The following SHC3 variants were observed in gnomAD, a reference collection of about 807,000 sequenced individuals.
SHC3 encodes SHC-transforming protein 3.
Under a neutral mutation model 60.4 loss-of-function variants are expected in SHC3, and 15 were observed. That is an observed-to-expected ratio of 0.25 (90% CI 0.17 to 0.38). The LOEUF (loss-of-function observed/expected upper bound fraction) is 0.38. Ranked by LOEUF, SHC3 falls within the 10% of genes least tolerant of loss-of-function variation. The probability of loss-of-function intolerance (pLI) is 1.00; values close to 1 mark genes in which losing one functional copy is unlikely to be tolerated. For missense variants in SHC3, 677 were observed against 786.1 expected, an observed-to-expected ratio of 0.86 and a Z score of 1.66; for synonymous variants, 294 against 325.9, an observed-to-expected ratio of 0.90 and a Z score of 1.05.
At chr9:89,093,710 G>A (rs1408237327) in intron 2 of SHC3, among the ~76,000 whole-genome samples, 1 of 152,092 alleles carries the variant, frequency 6.6e-6, no homozygotes, top group African/African-American at 2.4e-5. Context: ...GTTACTGATG[G>A]GGTGGGGAAC....
chr9:89,058,475 G>A (rs1039923155), intron 6 of SHC3, among the ~76,000 whole-genome samples: 7 of 149,622 alleles, frequency 4.7e-5, no homozygotes, highest in African/African-American at 1.7e-4. Flanking sequence ...GGTGGAGGAT[G>A]ATGATGGAGG....
At chr9:89,098,378 T>C (rs1825735289) in intron 2 of SHC3, among the ~76,000 whole-genome samples, 2 of 152,232 alleles carry the variant, frequency 1.3e-5, no homozygotes, top group Non-Finnish European at 2.9e-5. Context: ...GGTAATTGTG[T>C]TCTGTCAGTG....
chr9:89,097,254 C>T (rs1564140702), intron 2 of SHC3, among the ~76,000 whole-genome samples: 1 of 152,016 alleles, frequency 6.6e-6, no homozygotes, highest in African/African-American at 2.4e-5. Context: ...TAGGAAATTA[C>T]ACATTGGCCA....
chr9:89,023,003 A>G (rs141212679), intron 11 of SHC3, among the ~76,000 whole-genome samples: 1 of 152,346 alleles, frequency 6.6e-6, no homozygotes, highest in Admixed American at 6.5e-5. Context: ...GTCTCACAAC[A>G]ACCATAAACA....
chr9:89,178,617 G>T lies in SHC3; in HGVS notation c.-157C>A. ...GAGAACGAGAGCAGAGCAAGAGGAT[G>T]GTGCCCTCCCACCGTTAAAAGCCAG... On this transcript the variant is annotated 5_prime_UTR_variant, in exon 1 of 12. Coordinates refer to ENST00000375835, the MANE Select transcript of SHC3 (RefSeq NM_016848.6). This position sits in a 1 kb window ranked among gnomAD's most constrained non-coding sequence, Gnocchi z 6.9. The T allele has an allele frequency of 1.8e-6, 1 of 562,302 alleles. No individual in the cohort carries two copies. Among genetic ancestry groups the T allele is most frequent in the Non-Finnish European group, 2.8e-6 (1 of 354,478 alleles). 34.8% of individuals were successfully genotyped at this position (562,302 alleles called of 1,614,324 possible).
In SHC3 at chr9:89,149,062, G is replaced by C. The variant is rs941886646; in HGVS notation, c.474+28925C>G. Among the ~76,000 whole-genome samples, 9 of 152,152 alleles carry C rather than the reference G, an allele frequency of 5.9e-5. No individual in the cohort carries two copies. In the East Asian group the frequency reaches 1.5e-3, roughly 26 times the overall value. ...TTTACTCGCCTGAAGAATGGAATAT[G>C]GTGAGAATTACATGAGAGGGCATGG... On this transcript the variant is annotated intron_variant, in intron 1 of 11. Transcript: ENST00000375835.
intron 11 of SHC3, among the ~76,000 whole-genome samples, chr9:89,019,253 A>G (rs183799334): frequency 6.6e-6 from 1 of 152,170 alleles, no homozygotes; most frequent in Admixed American, 6.5e-5. Context: ...TTTGTAAACC[A>G]TTATTGCTAA....
At chr9:89,105,492 C>T (rs1312538502) in intron 2 of SHC3, among the ~76,000 whole-genome samples, 1 of 152,174 alleles carries the variant, frequency 6.6e-6, no homozygotes, top group African/African-American at 2.4e-5. Context: ...ATCATTTCAT[C>T]TATAAAAATG....
intron 11 of SHC3, among the ~76,000 whole-genome samples, chr9:89,035,771 A>C (rs4266722): frequency 0.4 from 58,994 of 148,962 alleles, 13,719 homozygotes; most frequent in East Asian, 0.97. Flanking sequence ...AGACTGGCCA[A>C]TATGGAGAAA....
At chr9:89,053,975 GT>G (rs1176259777) in intron 6 of SHC3, among the ~76,000 whole-genome samples, 1 of 152,220 alleles carries the variant, frequency 6.6e-6, no homozygotes, top group Non-Finnish European at 1.5e-5. Context: ...AACAGGACTG[GT>G]TGGTCGGTGT....
chr9:89,148,426 C>T (rs1826500900), intron 1 of SHC3, among the ~76,000 whole-genome samples: 1 of 152,174 alleles, frequency 6.6e-6, no homozygotes, highest in Non-Finnish European at 1.5e-5. Context: ...GTTGAAAAAA[C>T]TGCACAGATT....
intron 2 of SHC3, among the ~76,000 whole-genome samples, chr9:89,097,100 T>G (rs1402820894): frequency 1.0e-5 from 1 of 96,256 alleles, no homozygotes; most frequent in Non-Finnish European, 2.0e-5. Context: ...AGGTGCTCGC[T>G]CTCATGAAAA....
Position 89,177,991 on chromosome 9 carries a change from AC to A in SHC3, c.469del (p.Val157SerfsTer13). The A allele has an allele frequency of 8.1e-7, 1 of 1,228,436 alleles. No homozygotes were observed. The highest frequency in any genetic ancestry group is 3.9e-5 in the South Asian group (1 of 25,438). 76.1% of individuals were successfully genotyped at this position (1,228,436 alleles called of 1,614,324 possible). On this transcript the variant is annotated frameshift_variant, in exon 1 of 12. Transcript: ENST00000375835. LOFTEE classifies it high-confidence loss of function. ...GCGGCCCGCGCCCGCACCCACCTTGACCACGTAGGTGACTCCGGGCCCCAGC... is the reference window on the plus strand; with the variant it reads ...GCGGCCCGCGCCCGCACCCACCTTGACACGTAGGTGACTCCGGGCCCCAGC... Reference protein sequence around the residue: ...QVLGPGVTYVVKYLGCIEVLR... With the variant: ...QVLGPGVTYVXKYLGCIEVLR...
At chr9:89,162,250 T>C (rs1477007547) in intron 1 of SHC3, among the ~76,000 whole-genome samples, 11 of 149,296 alleles carry the variant, frequency 7.4e-5, no homozygotes, top group Non-Finnish European at 1.2e-4. Flanking sequence ...TACTTTAAAG[T>C]TCATATGGAA....
intron 2 of SHC3, among the ~76,000 whole-genome samples, chr9:89,106,352 A>G (rs2118095349): frequency 6.6e-6 from 1 of 152,340 alleles, no homozygotes; most frequent in East Asian, 1.9e-4. Context: ...GTGCTCTGAC[A>G]CTGTGTGGCT....
chr9:89,069,650 G>A (rs1435703194), intron 5 of SHC3, among the ~76,000 whole-genome samples: 1 of 152,210 alleles, frequency 6.6e-6, no homozygotes, highest in Admixed American at 6.5e-5. Flanking sequence ...TGGCTCAAGG[G>A]TCTGAGATGG....
At chr9:89,082,574 C>T (rs1825462690) in intron 2 of SHC3, among the ~76,000 whole-genome samples, 1 of 152,234 alleles carries the variant, frequency 6.6e-6, no homozygotes, top group African/African-American at 2.4e-5. Context: ...GCCCCTCCTC[C>T]ATGGGAGGAC....
intron 11 of SHC3, among the ~76,000 whole-genome samples, chr9:89,036,963 T>TAAAA (rs34705440): frequency 1.4e-4 from 20 of 141,958 alleles, no homozygotes; most frequent in African/African-American, 2.9e-4. Context: ...ACATATATGT[T>TAAAA]AAAAAAAAAA....
intron 1 of SHC3, among the ~76,000 whole-genome samples, chr9:89,120,980 C>T (rs1826084846): frequency 6.6e-6 from 1 of 151,234 alleles, no homozygotes; most frequent in Non-Finnish European, 1.5e-5. Flanking sequence ...ATATAAAAAC[C>T]ACTGAACACT....
Sources: gnomAD v4.1 joint callset for allele counts (sites outside exome capture counted in the v4.1 genomes callset) on GRCh38, gnomAD v4.1.1 for gene constraint, Gnocchi (gnomAD v3.1) non-coding constraint, MANE v1.5 for transcripts, NCBI Gene and HGNC (gene_info 2026-07-23, HGNC 2026-07-21) for gene names.